RNASE6: variants seen among roughly 807,000 people sequenced by gnomAD.
The protein encoded by RNASE6 is ribonuclease K6.
For missense variants in RNASE6, 197 were observed against 181.9 expected, an observed-to-expected ratio of 1.08 and a Z score of -0.48; for synonymous variants, 64 against 63.6, an observed-to-expected ratio of 1.01 and a Z score of -0.03.
Position 20,781,694 on chromosome 14 carries a change from G to C in RNASE6, c.-5-1G>C. The C allele has an allele frequency of 6.3e-7, 1 of 1,581,208 alleles. No individual in the cohort carries two copies. Among genetic ancestry groups the C allele is most frequent in the Non-Finnish European group, 8.6e-7 (1 of 1,163,602 alleles). Reference sequence around the variant, plus strand: ...TAACTATCTTCTCTCTTTCTACACAGAAAAGATGGTGCTATGCTTTCCTCT... The same window carrying C: ...TAACTATCTTCTCTCTTTCTACACACAAAAGATGGTGCTATGCTTTCCTCT... On this transcript the variant is annotated splice_acceptor_variant, in intron 1 of 1. Coordinates refer to ENST00000304677, the MANE Select transcript of RNASE6 (RefSeq NM_005615.5). LOFTEE classifies it low-confidence loss of function (5UTR_SPLICE).
Position 20,781,860 on chromosome 14 carries a change from A to G in RNASE6, c.161A>G (p.Asn54Ser), listed in dbSNP as rs1183930104. ...LQCNRAMSGI[N>S]NYTQHCKHQN... ...TGCAACAGGGCAATGAGTGGCATCA[A>G]CAATTATACCCAGCACTGTAAGCAT... The change falls in exon 2 of 2, where the codon AAC (asparagine) becomes AGC (serine). Residue 54 changes from asparagine (N) to serine (S), a missense_variant. Asn to Ser is a conservative substitution (Grantham distance 46). Coordinates refer to ENST00000304677, the MANE Select transcript of RNASE6 (RefSeq NM_005615.5). 2 of 1,614,230 alleles carry G rather than the reference A, an allele frequency of 1.2e-6. No individual in the cohort carries two copies. The highest frequency in any genetic ancestry group is 1.7e-6 in the Non-Finnish European group (2 of 1,180,036).
At chr14:20,781,607 A>G (rs1878646458) in intron 1 of RNASE6, 88 bp from the exon 2 acceptor site, 1 of 1,040,982 alleles carries the variant, frequency 9.6e-7, no homozygotes, top group African/African-American at 1.6e-5. Context: ...AAATCTTAAA[A>G]GGCAAAATAA....
At chr14:20,781,672 C>T (rs1878648853) in intron 1 of RNASE6, 23 bp from the exon 2 acceptor site, 2 of 1,529,034 alleles carry the variant, frequency 1.3e-6, no homozygotes, top group Non-Finnish European at 1.8e-6. Flanking sequence ...CCTACTATAA[C>T]TATCTTCTCT....
chr14:20,781,330 T>C lies in RNASE6; in HGVS notation c.-14T>C, dbSNP rs1043476651. ...CTGTTCTCAGCAGGAGCCCCAACAC[T>C]GAGACCAGGTAAGAAAGAAAGCCTC... On this transcript the variant is annotated 5_prime_UTR_variant, in exon 1 of 2. Transcript: ENST00000304677. 10 of 200,272 alleles carry C rather than the reference T, an allele frequency of 5.0e-5. No homozygotes were observed. Among genetic ancestry groups the C allele is most frequent in the African/African-American group, 1.4e-4 (6 of 42,486 alleles). The allele number at this position is 200,272 out of a possible 1,614,324, so 12.4% of individuals were successfully genotyped here.
Position 20,782,152 on chromosome 14 carries a change from A to G in RNASE6, c.453A>G (p.Ter151=). 1 of 1,563,544 alleles carries G rather than the reference A, an allele frequency of 6.4e-7. No individual in the cohort carries two copies. Among genetic ancestry groups the G allele is most frequent in the Non-Finnish European group, 8.7e-7 (1 of 1,153,560 alleles). Residue 151 remains the stop codon, a stop_retained_variant, in exon 2 of 2, where the codon TAA becomes TAG. Transcript: ENST00000304677. ...CTGTACACTTAGATAGTATTCTCTA[A>G]GGCATCCACTGCATTTCCTTTCATT... ...LVPVHLDSIL[*]
At chr14:20,781,382 G>A (rs998385436) in intron 1 of RNASE6, 44 bp downstream of exon 1, 1 of 290,930 alleles carries the variant, frequency 3.4e-6, no homozygotes, top group African/African-American at 2.2e-5. Context: ...GAGCAGTAAA[G>A]ACGGCTGGGA....
rs200182862 is a variant in RNASE6 at position 20,781,681 on chromosome 14, C to T, written c.-5-14C>T. ...GCTTCTCCTACTATAACTATCTTCT[C>T]TCTTTCTACACAGAAAAGATGGTGC... is the stretch of plus-strand genomic sequence containing the variant. On this transcript the variant is annotated splice_polypyrimidine_tract_variant and intron_variant, in intron 1 of 1. Transcript: ENST00000304677. The T allele has an allele frequency of 1.3e-6, 2 of 1,548,816 alleles. No individual in the cohort carries two copies. Among genetic ancestry groups the T allele is most frequent in the Non-Finnish European group, 8.7e-7 (1 of 1,148,648 alleles).
chr14:20,782,202 A>T lies in RNASE6; in HGVS notation c.*50A>T, dbSNP rs768565240. 1.1e-5 allele frequency: 16 copies of T among 1,459,152 alleles called. No individual in the cohort carries two copies. In the African/African-American group the frequency reaches 1.3e-4, roughly 12 times the overall value. 90.4% of individuals were successfully genotyped at this position (1,459,152 alleles called of 1,614,324 possible). A position where few individuals can be genotyped will look rare whatever the true frequency, so the allele number is the denominator to read the frequency against. Reference sequence around the variant, plus strand: ...TTGACATAGCTTCTGTTACAATTGCATCCATGTTTTCTTTTCTTTTGTTGA... The same window carrying T: ...TTGACATAGCTTCTGTTACAATTGCTTCCATGTTTTCTTTTCTTTTGTTGA... On this transcript the variant is annotated 3_prime_UTR_variant, in exon 2 of 2. Transcript: ENST00000304677.
In RNASE6 at chr14:20,781,958, A is replaced by C; in HGVS notation, c.259A>C (p.Asn87His). 6.2e-7 allele frequency: 1 copy of C among 1,614,198 alleles called. No individual in the cohort carries two copies. The highest frequency in any genetic ancestry group is 2.2e-5 in the East Asian group (1 of 44,894). The change falls in exon 2 of 2, where the codon AAT (asparagine) becomes CAT (histidine). Residue 87 changes from asparagine (N) to histidine (H), a missense_variant. Physicochemically the swap from Asn to His is moderately conservative, Grantham distance 68. Coordinates refer to ENST00000304677, the MANE Select transcript of RNASE6 (RefSeq NM_005615.5). Reference sequence around the variant, plus strand: ...TGATTTGCTCAGCATTGTCTGCAAAAATCGTCGGCACAACTGCCACCAGAG... The same window carrying C: ...TGATTTGCTCAGCATTGTCTGCAAACATCGTCGGCACAACTGCCACCAGAG... ...VCDLLSIVCK[N>H]RRHNCHQSSK...
rs1254261875 is a variant in RNASE6, at chr14:20,782,004, C to T, written c.305C>T (p.Thr102Ile). Reference protein sequence around the residue: ...CHQSSKPVNMTDCRLTSGKYP... With the variant: ...CHQSSKPVNMIDCRLTSGKYP... The stretch of plus-strand genomic sequence containing the variant: ...CAGAGCTCAAAGCCTGTCAACATGA[C>T]TGACTGCAGACTCACTTCAGGAAAG... Residue 102 changes from threonine (T) to isoleucine (I), a missense_variant, in exon 2 of 2, where the codon ACT becomes ATT. Thr to Ile is a moderately conservative substitution (Grantham distance 89, BLOSUM62 -1). Transcript: ENST00000304677. 6.2e-7 allele frequency: 1 copy of T among 1,614,214 alleles called. No homozygotes were observed.
rs1594258886 is a variant in RNASE6, at chr14:20,781,850, A to G, written c.151A>G (p.Ser51Gly). ...PSPLQCNRAM[S>G]GINNYTQHCK... is the part of the protein sequence containing the mutation. ...TCCTCTCCAATGCAACAGGGCAATGAGTGGCATCAACAATTATACCCAGCA... is the reference window on the plus strand; with the variant it reads ...TCCTCTCCAATGCAACAGGGCAATGGGTGGCATCAACAATTATACCCAGCA... Residue 51 changes from serine (S) to glycine (G), a missense_variant, in exon 2 of 2, where the codon AGT (serine) becomes GGT (glycine). Coordinates refer to ENST00000304677, the MANE Select transcript of RNASE6 (RefSeq NM_005615.5). The G allele has an allele frequency of 1.2e-6, 2 of 1,614,236 alleles. No individual in the cohort carries two copies. The highest frequency in any genetic ancestry group is 2.2e-5 in the East Asian group (1 of 44,890).
Position 20,782,110 on chromosome 14 carries a change from C to G in RNASE6, c.411C>G (p.Pro137=). 1 of 1,612,410 alleles carries G rather than the reference C, an allele frequency of 6.2e-7. No individual in the cohort carries two copies. Among genetic ancestry groups the G allele is most frequent in the African/African-American group, 1.3e-5 (1 of 74,984 alleles). Residue 137 remains proline, a synonymous_variant, in exon 2 of 2, where the codon CCC becomes CCG. Coordinates refer to ENST00000304677, the MANE Select transcript of RNASE6 (RefSeq NM_005615.5). The stretch of plus-strand genomic sequence containing the variant: ...GTGACCCCCCTCAGAAGAGCGATCC[C>G]CCCTACAAGTTGGTTCCTGTACACT... ...VACDPPQKSD[P]PYKLVPVHLD...
intron 1 of RNASE6, 61 bp downstream of exon 1, chr14:20,781,399 G>A (rs1878639987): frequency 3.1e-6 from 1 of 325,876 alleles, no homozygotes; most frequent in Admixed American, 4.7e-5. Flanking sequence ...GGGAGGTAGT[G>A]GTCAGATAGA....
Position 20,782,057 on chromosome 14 carries a change from G to A in RNASE6, c.358G>A (p.Ala120Thr). 6.2e-7 allele frequency: 1 copy of A among 1,614,126 alleles called. No homozygotes were observed. The change falls in exon 2 of 2, where the codon GCC becomes ACC. Residue 120 changes from alanine (A) to threonine (T), a missense_variant. Ala to Thr is a moderately conservative substitution (Grantham distance 58). Coordinates refer to ENST00000304677, the MANE Select transcript of RNASE6 (RefSeq NM_005615.5). ...KYPQCRYSAA[A>T]QYKFFIVACD... The stretch of plus-strand genomic sequence containing the variant: ...TCCCCAGTGCCGCTATAGTGCTGCT[G>A]CCCAGTACAAATTCTTCATTGTTGC...
Position 20,782,270 on chromosome 14 carries a change from ATT to A in RNASE6, c.*119_*120del. ...AAGAAAGAAGAAAGGTGTTTGGAGA[ATT>A]CGAGTGCCTAGGATGCCAGACCAGA... On this transcript the variant is annotated 3_prime_UTR_variant, in exon 2 of 2. Transcript: ENST00000304677. 1 of 1,025,608 alleles carries A rather than the reference ATT, an allele frequency of 9.8e-7. No homozygotes were observed. The highest frequency in any genetic ancestry group is 1.7e-5 in the South Asian group (1 of 59,700). 63.5% of individuals were successfully genotyped at this position (1,025,608 alleles called of 1,614,324 possible).
Position 20,782,173 on chromosome 14 carries a change from TC to T in RNASE6, c.*22del. ...TCTAAGGCATCCACTGCATTTCCTT[TC>T]ATTTGACATAGCTTCTGTTACAATT... On this transcript the variant is annotated 3_prime_UTR_variant, in exon 2 of 2. Coordinates refer to ENST00000304677, the MANE Select transcript of RNASE6 (RefSeq NM_005615.5). 1 of 1,516,178 alleles carries T rather than the reference TC, an allele frequency of 6.6e-7. No homozygotes were observed. Among genetic ancestry groups the T allele is most frequent in the South Asian group, 1.3e-5 (1 of 77,900 alleles). 93.9% of individuals were successfully genotyped at this position (1,516,178 alleles called of 1,614,324 possible).
At chr14:20,781,453 T>C (rs1878641390) in intron 1 of RNASE6, 115 bp downstream of exon 1, 1 of 468,888 alleles carries the variant, frequency 2.1e-6, no homozygotes, top group Non-Finnish European at 3.8e-6. Flanking sequence ...CTTTCTGATA[T>C]GACAGCCATC....
In RNASE6 at chr14:20,782,251, GA is replaced by G. The variant is rs1207626038; in HGVS notation, c.*101del. 1 of 1,236,782 alleles carries G rather than the reference GA, an allele frequency of 8.1e-7. No individual in the cohort carries two copies. Among genetic ancestry groups the G allele is most frequent in the East Asian group, 2.4e-5 (1 of 42,452 alleles). The allele number at this position is 1,236,782 out of a possible 1,614,324, so 76.6% of individuals were successfully genotyped here. Reference sequence around the variant, plus strand: ...GATTTTCTTGTTCCCGTAGAAGAAAGAAGAAAGGTGTTTGGAGAATTCGAGT... The same window carrying G: ...GATTTTCTTGTTCCCGTAGAAGAAAGAGAAAGGTGTTTGGAGAATTCGAGT... On this transcript the variant is annotated 3_prime_UTR_variant, in exon 2 of 2. Coordinates refer to ENST00000304677, the MANE Select transcript of RNASE6 (RefSeq NM_005615.5).
At position 20,782,366 on chromosome 14, in the gene RNASE6, G is replaced by C. The variant is rs1878688647; in HGVS notation, c.*214G>C. 9 of 558,188 alleles carry C rather than the reference G, an allele frequency of 1.6e-5. No homozygotes were observed. The allele number at this position is 558,188 out of a possible 1,614,324, so 34.6% of individuals were successfully genotyped here. ...TGTACTTTTCGAGAGAAGGGAATAG[G>C]GAAGACAGCAAAGAAAGATTCAGAT... On this transcript the variant is annotated 3_prime_UTR_variant, in exon 2 of 2. Transcript: ENST00000304677.
Sources: allele counts gnomAD v4.1 joint callset, GRCh38; gene constraint gnomAD v4.1.1; transcripts MANE v1.5; gene names NCBI Gene and HGNC (gene_info 2026-07-23, HGNC 2026-07-21).